The following SAGE1 variants were observed in gnomAD, a reference collection of about 807,000 sequenced individuals.
SAGE1 encodes cancer/testis antigen 14.
In SAGE1, 55 loss-of-function variants were observed where a neutral mutation model predicts 55.4. The ratio of observed to expected loss-of-function variants is 0.99; its 90% confidence interval spans 0.80 to 1.24. SAGE1 has a LOEUF of 1.24. Ranked by LOEUF, SAGE1 falls within the 50% of genes most tolerant of loss-of-function variation. The probability of loss-of-function intolerance (pLI) is 0.00; values close to 1 mark genes in which losing one functional copy is unlikely to be tolerated. For missense variants in SAGE1, 710 were observed against 704.4 expected (o/e 1.01, Z -0.09); for synonymous variants, 240 against 244.3 (o/e 0.98, Z 0.17).
chrX:135,909,861 G>C, intron 14 of SAGE1, 82 bp downstream of exon 14: 1 of 1,026,345 alleles, frequency 9.7e-7, no homozygotes, highest in Non-Finnish European at 1.3e-6. Context: ...AGGTGGTTTT[G>C]TTGTATTATC....
At chrX:135,909,583 G>T in intron 13 of SAGE1, 56 bp from the exon 14 acceptor site, 1 of 1,081,022 alleles carries the variant, frequency 9.3e-7, no homozygotes, top group South Asian at 2.2e-5. Context: ...GGATATACCT[G>T]TGGTATTGAC....
intron 2 of SAGE1, 105 bp downstream of exon 2, chrX:135,896,434 T>G: frequency 1.8e-6 from 1 of 542,801 alleles, no homozygotes; most frequent in Admixed American, 3.4e-5. Context: ...TCTCTTGATT[T>G]AAAAGATAAA....
At chrX:135,899,506 A>G (rs1556595332) in intron 2 of SAGE1, among the ~76,000 whole-genome samples, 2 of 111,952 alleles carry the variant, frequency 1.8e-5, no homozygotes, top group East Asian at 5.6e-4. Flanking sequence ...GCATTTTAAA[A>G]TAGCTCCTTC....
Position 135,912,875 on chromosome X carries a change from T to C in SAGE1, c.2693T>C (p.Val898Ala), listed in dbSNP as rs1556607214. Reference protein sequence around the residue: ...EIDSHCHLRKVKHMRKR With the variant: ...EIDSHCHLRKAKHMRKR Reference sequence around the variant, plus strand: ...GATTCCCACTGCCATCTCAGAAAAGTTAAGCACATGAGAAAAAGATAATTG... The same window carrying C: ...GATTCCCACTGCCATCTCAGAAAAGCTAAGCACATGAGAAAAAGATAATTG... Residue 898 changes from valine (V) to alanine (A), a missense_variant, in exon 20 of 20, where the codon GTT (valine) becomes GCT (alanine). Val to Ala is a moderately conservative substitution (Grantham distance 64). Coordinates refer to ENST00000370709, the MANE Select transcript of SAGE1 (RefSeq NM_001381902.1). 2 of 1,199,250 alleles carry C rather than the reference T, an allele frequency of 1.7e-6. No homozygotes were observed. The highest frequency in any genetic ancestry group is 4.4e-5 in the Admixed American group (2 of 45,894).
In SAGE1 at chrX:135,911,656, T is replaced by G; in HGVS notation, c.2224T>G (p.Ser742Ala). ...QTPPDGFLSNSDSPELINMTG... is the reference protein window; with the variant it reads ...QTPPDGFLSNADSPELINMTG... ...CCCTCCTGATGGCTTCCTGTCAAAT[T>G]CTGATTCACCAGAGCTGATAAATAT... Residue 742 changes from serine (S) to alanine (A), a missense_variant, in exon 18 of 20, where the codon TCT (serine) becomes GCT (alanine). Physicochemically the swap from Ser to Ala is moderately conservative, Grantham distance 99. Transcript: ENST00000370709. The G allele has an allele frequency of 8.3e-7, 1 of 1,210,566 alleles. No homozygotes were observed. The highest frequency in any genetic ancestry group is 3.0e-5 in the East Asian group (1 of 33,835).
At chrX:135,911,378 C>T (rs1556606411) in intron 17 of SAGE1, 46 bp downstream of exon 17, 1 of 1,142,857 alleles carries the variant, frequency 8.7e-7, no homozygotes. Context: ...TTTCCATATG[C>T]ATGCATAGTG....
chrX:135,905,629 G>A (rs782774589), intron 5 of SAGE1, among the ~76,000 whole-genome samples: 3 of 111,153 alleles, frequency 2.7e-5, no homozygotes, highest in Non-Finnish European at 3.8e-5. Flanking sequence ...CAAACTCTTC[G>A]TTTGTTTTCC....
Position 135,911,935 on chromosome X carries a change from G to T in SAGE1, c.2503G>T (p.Val835Phe), listed in dbSNP as rs1556606815. The change falls in exon 18 of 20, where the codon GTT (valine) becomes TTT (phenylalanine). Residue 835 changes from valine to phenylalanine, a missense_variant. Physicochemically the swap from Val to Phe is conservative, Grantham distance 50. Coordinates refer to ENST00000370709, the MANE Select transcript of SAGE1 (RefSeq NM_001381902.1). ...TATAAAATATCAATTAATGAAAGAAGTTCGAAGGTTTGGGCAAAGTAAGTA... is the reference window on the plus strand; with the variant it reads ...TATAAAATATCAATTAATGAAAGAATTTCGAAGGTTTGGGCAAAGTAAGTA... The part of the protein sequence containing the change: ...DDIKYQLMKE[V>F]RRFGQNYERI... 1.7e-6 allele frequency: 2 copies of T among 1,208,821 alleles called. No homozygotes were observed. The highest frequency in any genetic ancestry group is 2.2e-6 in the Non-Finnish European group (2 of 893,330).
Position 135,911,854 on chromosome X carries a change from A to G in SAGE1, c.2422A>G (p.Thr808Ala), listed in dbSNP as rs782206516. The change falls in exon 18 of 20, where the codon ACT becomes GCT. Residue 808 changes from threonine (T) to alanine (A), a missense_variant. Transcript: ENST00000370709. Reference protein sequence around the residue: ...PPVTVMSLVETVPNTPQISPA... With the variant: ...PPVTVMSLVEAVPNTPQISPA... ...AGTTACAGTAATGTCTTTGGTGGAA[A>G]CTGTGCCAAATACACCACAAATATC... 6.6e-6 allele frequency: 8 copies of G among 1,209,665 alleles called. No individual in the cohort carries two copies. The highest frequency in any genetic ancestry group is 8.9e-6 in the Non-Finnish European group (8 of 894,519).
In SAGE1 at chrX:135,907,062, C is replaced by T. The variant is rs782706074; in HGVS notation, c.873C>T (p.Gly291=). ...GTACTCCAGCCATCAGCACCAATGG[C>T]CTGTGTATGTTTGCTTGTTAATTGG... ...GAGTPAISTN[G]LYSTVPHNVC... is the part of the protein sequence containing the mutation. Residue 291 remains glycine (G), a synonymous_variant, in exon 8 of 20, where the codon GGC becomes GGT. Coordinates refer to ENST00000370709, the MANE Select transcript of SAGE1 (RefSeq NM_001381902.1). The T allele has an allele frequency of 2.7e-5, 32 of 1,204,597 alleles. No homozygotes were observed. In the Admixed American group the frequency reaches 6.9e-4, roughly 26 times the overall value.
intron 2 of SAGE1, 91 bp from the exon 3 acceptor site, chrX:135,901,468 A>G: frequency 4.6e-6 from 4 of 869,563 alleles, no homozygotes; most frequent in Non-Finnish European, 6.4e-6. Flanking sequence ...CATTAATGAT[A>G]TAAATGCATG....
chrX:135,907,018 A>T lies in SAGE1; in HGVS notation c.829A>T (p.Ile277Phe). Reference sequence around the variant, plus strand: ...CTTGTCAACTGCTTCAACAGGGCTTATTAATGTGGCAGGAGCTGGTACTCC... The same window carrying T: ...CTTGTCAACTGCTTCAACAGGGCTTTTTAATGTGGCAGGAGCTGGTACTCC... ...NILSTASTGL[I>F]NVAGAGTPAI... Residue 277 changes from isoleucine to phenylalanine, a missense_variant, in exon 8 of 20, where the codon ATT (isoleucine) becomes TTT (phenylalanine). Coordinates refer to ENST00000370709, the MANE Select transcript of SAGE1 (RefSeq NM_001381902.1). 1 of 1,210,828 alleles carries T rather than the reference A, an allele frequency of 8.3e-7. No individual in the cohort carries two copies.
chrX:135,905,132 T>C (rs782641005), intron 4 of SAGE1, 120 bp from the exon 5 acceptor site: 1 of 652,995 alleles, frequency 1.5e-6, no homozygotes, highest in East Asian at 3.3e-5. Context: ...CAAATCATTA[T>C]ATGATGTATT....
chrX:135,906,302 C>T (rs1367581514), intron 6 of SAGE1, 109 bp from the exon 7 acceptor site: 1 of 1,090,058 alleles, frequency 9.2e-7, no homozygotes. Flanking sequence ...CCTGATATAT[C>T]CTACTGCTTT....
intron 1 of SAGE1, among the ~76,000 whole-genome samples, 195 bp from the exon 2 acceptor site, chrX:135,896,048 A>T (rs2088578891): frequency 9.0e-6 from 1 of 111,329 alleles, no homozygotes; most frequent in South Asian, 3.8e-4. Flanking sequence ...ATCATGGAAC[A>T]TGATATAGAT....
chrX:135,897,676 TTTTAC>T (rs2088607819), intron 2 of SAGE1, among the ~76,000 whole-genome samples: 1 of 112,154 alleles, frequency 8.9e-6, no homozygotes, highest in Admixed American at 9.4e-5. Context: ...TTTCTTCAAC[TTTTAC>T]TTTAAGTCCT....
At chrX:135,899,783 G>C (rs2088642242) in intron 2 of SAGE1, among the ~76,000 whole-genome samples, 2 of 109,613 alleles carry the variant, frequency 1.8e-5, no homozygotes, top group African/African-American at 6.6e-5. Flanking sequence ...TTCATGATTT[G>C]TCTCTCTGCT....
chrX:135,905,281 G>T lies in SAGE1; in HGVS notation c.343G>T (p.Glu115Ter), dbSNP rs2088765903. ...TACCATCGCTCACAATATCCGTGAA[G>T]AGAGGATGGAAAATGGCCAATCTCG... ...DATIAHNIREERMENGQSRTD... is the reference protein window; with the variant it reads ...DATIAHNIRE Residue 115 changes from glutamate (E) to a stop codon, truncating the protein, a stop_gained, in exon 5 of 20, where the codon GAG (glutamate) becomes TAG (stop). Coordinates refer to ENST00000370709, the MANE Select transcript of SAGE1 (RefSeq NM_001381902.1). LOFTEE classifies it high-confidence loss of function. 8.3e-7 allele frequency: 1 copy of T among 1,209,500 alleles called. No individual in the cohort carries two copies. Among genetic ancestry groups the T allele is most frequent in the Non-Finnish European group, 1.1e-6 (1 of 893,784 alleles).
intron 19 of SAGE1, 82 bp downstream of exon 19, chrX:135,912,496 T>A: frequency 2.5e-6 from 3 of 1,184,867 alleles, no homozygotes; most frequent in Non-Finnish European, 3.4e-6. Flanking sequence ...TCATGGTTTG[T>A]TCCTCCTAAT....
Sources: allele counts gnomAD v4.1 joint callset (sites outside exome capture counted in the v4.1 genomes callset), GRCh38; gene constraint gnomAD v4.1.1; transcripts MANE v1.5; gene names NCBI Gene and HGNC (gene_info 2026-07-23, HGNC 2026-07-21).